The following PARD3 variants were observed in gnomAD, a reference collection of about 807,000 sequenced individuals.
The protein encoded by PARD3 is partitioning defective 3 homolog.
A neutral mutation model predicts 155.4 loss-of-function variants in PARD3; 75 were observed. That is an observed-to-expected ratio of 0.48 (90% CI 0.40 to 0.58). The LOEUF (loss-of-function observed/expected upper bound fraction) is 0.58, where lower values mean the gene tolerates loss of function less well. Ranked by LOEUF, PARD3 falls within the 20% of genes least tolerant of loss-of-function variation. The pLI, the probability that PARD3 is intolerant of heterozygous loss-of-function variation, is 0.00. For missense variants in PARD3, 1,642 were observed against 1,721.7 expected (o/e 0.95, Z 0.82); for synonymous variants, 576 against 610.5 (o/e 0.94, Z 0.83).
rs565394405 is a variant in PARD3 at position 34,229,791 on chromosome 10, G to T, written c.3419+39866C>A. Among the ~76,000 whole-genome samples, 10 of 152,070 alleles carry T rather than the reference G, an allele frequency of 6.6e-5. 1 individual carries two copies. The highest frequency in any genetic ancestry group is 2.4e-4 in the African/African-American group (10 of 41,386). On this transcript the variant is annotated intron_variant, in intron 22 of 24. Transcript: ENST00000374788. ...TTTGTTGTTTTTGTTACTGGGCAAT[G>T]AATGAACAAGCAAACAAATAACCAA...
In PARD3 at chr10:34,377,955, G is replaced by A; in HGVS notation, c.1539+12C>T. On this transcript the variant is annotated intron_variant, in intron 10 of 24. Coordinates refer to ENST00000374788, the MANE Select transcript of PARD3 (RefSeq NM_001184785.2). ...AAGAATCAGGGAACATCCTGCTGGG[G>A]AAGTCACTTACCTCTATAAGTCTGT... 9 of 1,511,384 alleles carry A rather than the reference G, an allele frequency of 6.0e-6. No individual in the cohort carries two copies. Among genetic ancestry groups the A allele is most frequent in the Non-Finnish European group, 7.9e-6 (9 of 1,137,128 alleles). The allele number at this position is 1,511,384 out of a possible 1,614,324, so 93.6% of individuals were successfully genotyped here.
chr10:34,714,652 A>C (rs1814207762), intron 1 of PARD3, among the ~76,000 whole-genome samples: 1 of 151,840 alleles, frequency 6.6e-6, no homozygotes, highest in Admixed American at 6.6e-5. Flanking sequence ...CTTGCAGGAT[A>C]CTCCTACTCT....
Position 34,199,378 on chromosome 10 carries a change from G to A in PARD3, c.3420-67795C>T, listed in dbSNP as rs149128802. ...ATGGACCCAGTTTGGTTCGGTGACA[G>A]GGCTTAGCCTGGAGAAGCCACAGGC... On this transcript the variant is annotated intron_variant, in intron 22 of 24. Coordinates refer to ENST00000374788, the MANE Select transcript of PARD3 (RefSeq NM_001184785.2). Among the ~76,000 whole-genome samples, 228 of 152,282 alleles carry A rather than the reference G, an allele frequency of 1.5e-3. 2 individuals carry two copies. Among genetic ancestry groups the A allele is most frequent in the South Asian group, 3.9e-3 (19 of 4,824 alleles).
intron 2 of PARD3, among the ~76,000 whole-genome samples, chr10:34,658,612 C>T (rs2093244763): frequency 6.6e-6 from 1 of 151,820 alleles, no homozygotes; most frequent in African/African-American, 2.4e-5. Context: ...AAGATGTGGA[C>T]AGGGGGAAAA....
intron 2 of PARD3, among the ~76,000 whole-genome samples, chr10:34,622,332 G>T (rs1230402012): frequency 2.0e-5 from 3 of 152,116 alleles, no homozygotes; most frequent in Non-Finnish European, 4.4e-5. Context: ...ACTGAAGCTG[G>T]TTTAAATTAA....
intron 5 of PARD3, among the ~76,000 whole-genome samples, chr10:34,417,755 G>A (rs976212307): frequency 9.9e-5 from 15 of 152,046 alleles, no homozygotes; most frequent in African/African-American, 2.9e-4. Context: ...AAATTCCACA[G>A]GTACTTTTCA....
At chr10:34,796,592 GTAC>G (rs1181024365) in intron 1 of PARD3, among the ~76,000 whole-genome samples, 2 of 152,140 alleles carry the variant, frequency 1.3e-5, no homozygotes, top group Admixed American at 1.3e-4. Context: ...ATAAAATTCA[GTAC>G]TAGTCAGTTC....
At chr10:34,587,887 G>A (rs1464809332) in intron 2 of PARD3, among the ~76,000 whole-genome samples, 4 of 152,152 alleles carry the variant, frequency 2.6e-5, no homozygotes, top group South Asian at 4.1e-4. Context: ...GGCTGGCTCC[G>A]TGGGTGGAAT....
chr10:34,341,538 A>G, intron 16 of PARD3, 89 bp downstream of exon 16: 1 of 963,974 alleles, frequency 1.0e-6, no homozygotes, highest in South Asian at 1.8e-5. Context: ...TATTAAAAAA[A>G]TGATTAACTG....
intron 4 of PARD3, among the ~76,000 whole-genome samples, chr10:34,459,760 T>G (rs2077530606): frequency 6.6e-6 from 1 of 152,126 alleles, no homozygotes; most frequent in Non-Finnish European, 1.5e-5. Context: ...TTTAAATAAA[T>G]TACTACAATT....
rs1033495399 is a variant in PARD3 at position 34,520,785 on chromosome 10, T to C, written c.223-3626A>G. Among the ~76,000 whole-genome samples, 11 of 152,170 alleles carry C rather than the reference T, an allele frequency of 7.2e-5. No homozygotes were observed. The South Asian group carries it at 1.0e-3, about 14-fold the overall frequency. On this transcript the variant is annotated intron_variant, in intron 2 of 24. Transcript: ENST00000374788. ...GTCCCTAGTTTGACAACCCAGCCCA[T>C]CTTTCTAGTAACATGCAATTTTAGT... is the stretch of plus-strand genomic sequence containing the variant.
At chr10:34,471,640 C>T (rs993532855) in intron 3 of PARD3, among the ~76,000 whole-genome samples, 2 of 152,128 alleles carry the variant, frequency 1.3e-5, no homozygotes, top group African/African-American at 4.8e-5. Flanking sequence ...CAGCAAACTC[C>T]GCCTCCTGGG....
chr10:34,496,667 A>T (rs927305681), intron 3 of PARD3, among the ~76,000 whole-genome samples: 3 of 152,230 alleles, frequency 2.0e-5, no homozygotes, highest in Non-Finnish European at 4.4e-5. Flanking sequence ...CCCAATTTCA[A>T]CGAAGAAACT....
At chr10:34,317,578 G>A (rs1958086811) in intron 19 of PARD3, among the ~76,000 whole-genome samples, 1 of 152,236 alleles carries the variant, frequency 6.6e-6, no homozygotes, top group Non-Finnish European at 1.5e-5. Context: ...GCTTCCTGGT[G>A]GGATGCTGAT....
At chr10:34,261,412 G>A (rs555880823) in intron 22 of PARD3, among the ~76,000 whole-genome samples, 1 of 152,248 alleles carries the variant, frequency 6.6e-6, no homozygotes, top group South Asian at 2.1e-4. Context: ...ACAGGGGCTG[G>A]GCACGGTGGC....
chr10:34,559,627 A>G (rs1238983626), intron 2 of PARD3, among the ~76,000 whole-genome samples: 2 of 152,344 alleles, frequency 1.3e-5, no homozygotes, highest in East Asian at 3.9e-4. Flanking sequence ...CAACACATCA[A>G]GATTCTCGAA....
At chr10:34,166,764 A>G (rs1173220888) in intron 22 of PARD3, among the ~76,000 whole-genome samples, 2 of 152,128 alleles carry the variant, frequency 1.3e-5, no homozygotes, top group African/African-American at 4.8e-5. Context: ...CACAATAGCC[A>G]ACCTATAATT....
At chr10:34,441,525 A>T (rs1287397347) in intron 5 of PARD3, among the ~76,000 whole-genome samples, 1 of 152,218 alleles carries the variant, frequency 6.6e-6, no homozygotes, top group East Asian at 1.9e-4. Flanking sequence ...TGCTTCCCAG[A>T]TTCACTATGT....
chr10:34,681,689 T>C (rs1476295132), intron 2 of PARD3, among the ~76,000 whole-genome samples: 1 of 126,924 alleles, frequency 7.9e-6, no homozygotes, highest in Non-Finnish European at 1.6e-5. Flanking sequence ...ATGTATATAA[T>C]TAGATTTTTA....
Sources: gnomAD v4.1 joint callset for allele counts (sites outside exome capture counted in the v4.1 genomes callset) on GRCh38, gnomAD v4.1.1 for gene constraint, MANE v1.5 for transcripts, NCBI Gene and HGNC (gene_info 2026-07-23, HGNC 2026-07-21) for gene names.